The following CEP89 variants were observed in gnomAD, a reference collection of about 807,000 sequenced individuals.
CEP89 encodes centrosomal protein of 89 kDa.
A neutral mutation model predicts 97.6 loss-of-function variants in CEP89; 95 were observed. The observed-to-expected ratio is 0.97, with a 90% CI of 0.82 to 1.15. The LOEUF is 1.15. Among genes scored for constraint, CEP89 ranks in the 50% most tolerant of loss-of-function variants. The pLI, the probability that CEP89 is intolerant of heterozygous loss-of-function variation, is 0.00. For missense variants in CEP89, 869 were observed against 947.7 expected (o/e 0.92, Z 1.09); for synonymous variants, 354 against 349.1 (o/e 1.01, Z -0.16).
At chr19:32,915,942 T>G (rs563820702) in intron 13 of CEP89, among the ~76,000 whole-genome samples, 1 of 150,424 alleles carries the variant, frequency 6.6e-6, no homozygotes, top group Non-Finnish European at 1.5e-5. Flanking sequence ...AAAAAAGATA[T>G]TTTGGAGTGT....
At chr19:32,922,749 G>A (rs1013059253) in intron 12 of CEP89, among the ~76,000 whole-genome samples, 4 of 151,916 alleles carry the variant, frequency 2.6e-5, no homozygotes, top group African/African-American at 9.7e-5. Flanking sequence ...TCAGGAGGCT[G>A]AGGCAGGAGA....
intron 6 of CEP89, among the ~76,000 whole-genome samples, chr19:32,938,690 C>T (rs1002966852): frequency 9.2e-5 from 14 of 151,888 alleles, no homozygotes; most frequent in Admixed American, 8.5e-4. Flanking sequence ...GGCTCACACC[C>T]GTAATCCCAG....
intron 5 of CEP89, among the ~76,000 whole-genome samples, chr19:32,941,427 T>C (rs1197492373): frequency 1.3e-5 from 2 of 152,072 alleles, no homozygotes; most frequent in African/African-American, 4.8e-5. Flanking sequence ...TGCTTGAGTT[T>C]GGGAGGCAGA....
At chr19:32,932,973 G>A (rs1441886769) in intron 8 of CEP89, among the ~76,000 whole-genome samples, 7 of 151,530 alleles carry the variant, frequency 4.6e-5, no homozygotes, top group Admixed American at 4.6e-4. Context: ...AAATAAAGTG[G>A]GCAGCTTTAT....
chr19:32,963,401 C>G (rs745938828), intron 2 of CEP89: 1 of 152,008 alleles, frequency 6.6e-6, no homozygotes, highest in Non-Finnish European at 1.5e-5. Context: ...AAAATAACCA[C>G]AATGAAATAC....
At chr19:32,907,464 T>A (rs1969911613) in intron 14 of CEP89, among the ~76,000 whole-genome samples, 1 of 152,020 alleles carries the variant, frequency 6.6e-6, no homozygotes, top group South Asian at 2.1e-4. Flanking sequence ...TATTTTTTTT[T>A]TTTTTTTGAC....
chr19:32,933,518 T>C lies in CEP89; in HGVS notation c.819A>G (p.Leu273=). Residue 273 remains leucine (L), a synonymous_variant, in exon 8 of 19, where the codon TTA becomes TTG. Transcript: ENST00000305768. ...TCTCTTTTTCCATTCCCTTAAGTTT[T>C]AACTGTAGTTCTTTCATTGCTTGTT... ...TMKQAMKELQ[L]KLKGMEKEKR... 1 of 1,614,202 alleles carries C rather than the reference T, an allele frequency of 6.2e-7. No homozygotes were observed. Among genetic ancestry groups the C allele is most frequent in the South Asian group, 1.1e-5 (1 of 91,080 alleles).
chr19:32,947,517 G>C (rs1291157727), intron 5 of CEP89, among the ~76,000 whole-genome samples: 1 of 151,944 alleles, frequency 6.6e-6, no homozygotes, highest in Non-Finnish European at 1.5e-5. Context: ...TTGAGATGGG[G>C]TTTCACTCTG....
chr19:32,900,909 A>G (rs1300621113), intron 15 of CEP89, among the ~76,000 whole-genome samples: 24 of 99,708 alleles, frequency 2.4e-4, no homozygotes, highest in Non-Finnish European at 4.4e-4. Context: ...TTTTTGAGAC[A>G]GGGTCTCACT....
At chr19:32,940,138 A>G (rs953132757) in intron 5 of CEP89, among the ~76,000 whole-genome samples, 1 of 152,096 alleles carries the variant, frequency 6.6e-6, no homozygotes, top group Non-Finnish European at 1.5e-5. Context: ...ACCAAAGCCA[A>G]ACTCTTCAGT....
chr19:32,966,559 C>CT, intron 1 of CEP89, 93 bp from the exon 2 acceptor site: 1 of 600,364 alleles, frequency 1.7e-6, no homozygotes, highest in Non-Finnish European at 2.6e-6. Context: ...AAGGGGACAC[C>CT]TGCACTGGCC....
At position 32,899,920 on chromosome 19, in the gene CEP89, G is replaced by C. The variant is rs754964063; in HGVS notation, c.1812C>G (p.Tyr604Ter). ...CTGCCAGGCCAACAAGGTTTGCCAG[G>C]TACTGATGAGCAGACATTTCGTTCC... ...AMGNEMSAHQ[Y>*]LANLVGLAEN... Residue 604 changes from tyrosine (Y) to a stop codon, truncating the protein, a stop_gained, in exon 16 of 19, where the codon TAC becomes TAG. Transcript: ENST00000305768. LOFTEE classifies it high-confidence loss of function. 6.2e-7 allele frequency: 1 copy of C among 1,613,916 alleles called. No individual in the cohort carries two copies. The highest frequency in any genetic ancestry group is 1.1e-5 in the South Asian group (1 of 91,068).
chr19:32,962,348 A>C (rs1971187114), intron 2 of CEP89, among the ~76,000 whole-genome samples: 1 of 152,224 alleles, frequency 6.6e-6, no homozygotes, highest in Non-Finnish European at 1.5e-5. Context: ...AGGATTCCCC[A>C]GCCATGCAGA....
intron 14 of CEP89, among the ~76,000 whole-genome samples, chr19:32,908,112 G>A (rs1312816683): frequency 2.0e-5 from 3 of 152,230 alleles, no homozygotes; most frequent in Non-Finnish European, 4.4e-5. Flanking sequence ...CCCACACAAT[G>A]ACGAAATCAC....
intron 14 of CEP89, among the ~76,000 whole-genome samples, chr19:32,907,453 C>T (rs1052662771): frequency 7.6e-6 from 1 of 131,562 alleles, no homozygotes; most frequent in Non-Finnish European, 1.5e-5. Context: ...TGTGGTTTCT[C>T]TATTTTTTTT....
At chr19:32,971,530 G>A (rs1971409492) in intron 1 of CEP89, 1 of 557,246 alleles carries the variant, frequency 1.8e-6, no homozygotes, top group Non-Finnish European at 3.2e-6. Context: ...AGTGGCGCGC[G>A]CCTGTAGTCT....
intron 13 of CEP89, 37 bp from the exon 14 acceptor site, chr19:32,915,554 G>A: frequency 3.2e-6 from 5 of 1,558,190 alleles, no homozygotes; most frequent in Admixed American, 1.9e-5. Flanking sequence ...ACTTGGCACA[G>A]AAGACCTCAC....
chr19:32,938,572 G>A (rs1249529995), intron 6 of CEP89, among the ~76,000 whole-genome samples: 1 of 152,184 alleles, frequency 6.6e-6, no homozygotes, highest in Non-Finnish European at 1.5e-5. Flanking sequence ...GCAGAGAAAT[G>A]TTTAATTTTT....
chr19:32,886,894 G>T (rs1229425864), intron 17 of CEP89, among the ~76,000 whole-genome samples: 1 of 148,436 alleles, frequency 6.7e-6, no homozygotes, highest in African/African-American at 2.5e-5. Context: ...CAGGGTCCCT[G>T]CCAGGTGAGG....
Sources: allele counts gnomAD v4.1 joint callset (sites outside exome capture counted in the v4.1 genomes callset), GRCh38; gene constraint gnomAD v4.1.1; transcripts MANE v1.5; gene names NCBI Gene and HGNC (gene_info 2026-07-23, HGNC 2026-07-21).